The following DPF3 variants were observed in gnomAD, a reference collection of about 807,000 sequenced individuals.
The protein encoded by DPF3 is double PHD fingers 3, also known as zinc finger protein DPF3.
Under a neutral mutation model 56.8 loss-of-function variants are expected in DPF3, and 18 were observed. That is an observed-to-expected ratio of 0.32 (90% CI 0.22 to 0.47). The LOEUF is 0.47. DPF3 is among the 20% of genes least tolerant of loss of function. The probability of loss-of-function intolerance (pLI) is 1.00; values close to 1 mark genes in which losing one functional copy is unlikely to be tolerated. For missense variants in DPF3, 403 were observed against 488.8 expected (o/e 0.82, Z 1.65); for synonymous variants, 188 against 180.2 (o/e 1.04, Z -0.35).
Position 72,892,524 on chromosome 14 carries a change from G to A in DPF3, c.32+1533C>T, listed in dbSNP as rs1041149847. The A allele has an allele frequency of 5.0e-6, 7 of 1,390,294 alleles. No homozygotes were observed. The African/African-American group carries it at 8.8e-5, about 17-fold the overall frequency. 86.1% of individuals were successfully genotyped at this position (1,390,294 alleles called of 1,614,324 possible). A position where few individuals can be genotyped will look rare whatever the true frequency, so the allele number is the denominator to read the frequency against. On this transcript the variant is annotated intron_variant, in intron 1 of 10. Transcript: ENST00000556509. Reference sequence around the variant, plus strand: ...CCTACCCCTTTCCCTATTTCTGATGGGCGACGAGCTGGCGCAAACACGTCC... The same window carrying A: ...CCTACCCCTTTCCCTATTTCTGATGAGCGACGAGCTGGCGCAAACACGTCC...
At position 72,838,768 on chromosome 14, in the gene DPF3, AGGC is replaced by A. The variant is rs1884411545; in HGVS notation, c.32+55286_32+55288del. Among the ~76,000 whole-genome samples, 3 of 145,912 alleles carry A rather than the reference AGGC, an allele frequency of 2.1e-5. No homozygotes were observed. In the Admixed American group the frequency reaches 2.1e-4, roughly 10 times the overall value. On this transcript the variant is annotated intron_variant, in intron 1 of 10. Transcript: ENST00000556509. ...CGAGACTCCGTCTCAAAAAAAAAAAAGGCAATTACTGTTGGCATCAGCAGCACA... is the reference window on the plus strand; with the variant it reads ...CGAGACTCCGTCTCAAAAAAAAAAAAAATTACTGTTGGCATCAGCAGCACA...
intron 1 of DPF3, among the ~76,000 whole-genome samples, chr14:72,777,329 T>C (rs947028080): frequency 6.6e-6 from 1 of 152,250 alleles, no homozygotes; most frequent in African/African-American, 2.4e-5. Context: ...TTTAGTCTTT[T>C]AGAATAACTG....
chr14:72,757,530 G>A (rs1890888029), intron 2 of DPF3, among the ~76,000 whole-genome samples: 1 of 152,016 alleles, frequency 6.6e-6, no homozygotes, highest in African/African-American at 2.4e-5. Context: ...AACTAAAGAG[G>A]AATAAGAGTT....
chr14:72,714,719 C>T (rs1006800983), intron 5 of DPF3, among the ~76,000 whole-genome samples: 19 of 152,128 alleles, frequency 1.2e-4, no homozygotes, highest in Admixed American at 3.9e-4. Flanking sequence ...ATGTTCACAA[C>T]TCCAAGAGGT....
intron 8 of DPF3, chr14:72,670,582 C>T: frequency 1.0e-6 from 1 of 987,308 alleles, no homozygotes; most frequent in African/African-American, 1.7e-5. Context: ...AAATTCTCCC[C>T]ACCGGGCGGC....
intron 1 of DPF3, among the ~76,000 whole-genome samples, 163 bp downstream of exon 1, chr14:72,893,893 GA>G (rs1344866008): frequency 6.6e-6 from 1 of 152,174 alleles, no homozygotes; most frequent in East Asian, 1.9e-4. Flanking sequence ...CGCGTTGGGG[GA>G]AAAAAAGAAG....
chr14:72,677,191 AT>A (rs138982394), intron 7 of DPF3, among the ~76,000 whole-genome samples: 2,571 of 152,240 alleles, frequency 0.017, 79 homozygotes, highest in African/African-American at 0.059. Flanking sequence ...GTGGAGGTAC[AT>A]TTTTAGTCTG....
At chr14:72,633,996 C>T (rs1885305160) in intron 8 of DPF3, among the ~76,000 whole-genome samples, 1 of 152,146 alleles carries the variant, frequency 6.6e-6, no homozygotes, top group Admixed American at 6.5e-5. Flanking sequence ...TCTGTGTTCC[C>T]ATCTTGAGAA....
chr14:72,704,556 A>G (rs955392607), intron 6 of DPF3, among the ~76,000 whole-genome samples: 1 of 152,154 alleles, frequency 6.6e-6, no homozygotes, highest in Non-Finnish European at 1.5e-5. Flanking sequence ...TCTTCCACCT[A>G]CAATGTCAGT....
intron 8 of DPF3, among the ~76,000 whole-genome samples, chr14:72,656,507 A>G (rs1003041294): frequency 6.6e-6 from 1 of 152,194 alleles, no homozygotes; most frequent in Admixed American, 6.5e-5. Flanking sequence ...TCACCTCTCA[A>G]AAAAGTATTT....
rs1355714036 is a variant in DPF3 at position 72,612,487 on chromosome 14, A to G, written c.*6810T>C. 2.1e-5 allele frequency: 11 copies of G among 518,424 alleles called. 1 individual carries two copies. The highest frequency in any genetic ancestry group is 1.9e-4 in the Admixed American group (10 of 51,548). 32.1% of individuals were successfully genotyped at this position (518,424 alleles called of 1,614,324 possible). On this transcript the variant is annotated 3_prime_UTR_variant, in exon 11 of 11. Coordinates refer to ENST00000556509, the MANE Select transcript of DPF3 (RefSeq NM_001280542.3). Reference sequence around the variant, plus strand: ...CTTCAACTACATGTTGAAAATGTGCACGGGGTATATTTTCTTTTTCCTATA... The same window carrying G: ...CTTCAACTACATGTTGAAAATGTGCGCGGGGTATATTTTCTTTTTCCTATA...
At chr14:72,723,478 C>T (rs538263373) in intron 5 of DPF3, among the ~76,000 whole-genome samples, 155 bp downstream of exon 5, 1 of 152,178 alleles carries the variant, frequency 6.6e-6, no homozygotes, top group Non-Finnish European at 1.5e-5. Flanking sequence ...CAGGCTACGA[C>T]CTGGGATCAG....
Position 72,731,949 on chromosome 14 carries a change from TAG to T in DPF3, c.302-17_302-16del. On this transcript the variant is annotated splice_polypyrimidine_tract_variant and intron_variant, in intron 3 of 10. Coordinates refer to ENST00000556509, the MANE Select transcript of DPF3 (RefSeq NM_001280542.3). Reference sequence around the variant, plus strand: ...AAGCTCCACTTCTGAAAAACAAAGATAGAAAGGCAGGTCAGGCCACTAGAAGC... The same window carrying T: ...AAGCTCCACTTCTGAAAAACAAAGATAAAGGCAGGTCAGGCCACTAGAAGC... 1.3e-6 allele frequency: 2 copies of T among 1,567,704 alleles called. No homozygotes were observed. Among genetic ancestry groups the T allele is most frequent in the Non-Finnish European group, 1.7e-6 (2 of 1,156,392 alleles).
chr14:72,724,626 A>C lies in DPF3; in HGVS notation c.430-898T>G, dbSNP rs918726811. 5.3e-5 allele frequency among the ~76,000 whole-genome samples: 8 copies of C among 152,042 alleles called. No homozygotes were observed. In the South Asian group the frequency reaches 8.3e-4, roughly 16 times the overall value. ...GATAAAAGACTGTAGCAGAGGACCC[A>C]GCCCCACAATGGGAGTAGGAAAAGA... On this transcript the variant is annotated intron_variant, in intron 4 of 10. Transcript: ENST00000556509.
intron 9 of DPF3, among the ~76,000 whole-genome samples, chr14:72,625,913 C>T (rs1345099191): frequency 2.6e-5 from 4 of 152,074 alleles, no homozygotes; most frequent in Non-Finnish European, 5.9e-5. Context: ...ATCTAGCATA[C>T]GTAGTTTCAG....
intron 1 of DPF3, among the ~76,000 whole-genome samples, chr14:72,793,703 A>T (rs563268606): frequency 1.3e-5 from 2 of 152,326 alleles, no homozygotes; most frequent in South Asian, 4.1e-4. Flanking sequence ...ACATTGACAG[A>T]TCACCGTCCC....
At chr14:72,722,813 A>T (rs569843008) in intron 5 of DPF3, among the ~76,000 whole-genome samples, 1 of 152,296 alleles carries the variant, frequency 6.6e-6, no homozygotes, top group South Asian at 2.1e-4. Flanking sequence ...TTCAACCTGA[A>T]TGCCTGGAAG....
intron 9 of DPF3, among the ~76,000 whole-genome samples, chr14:72,622,763 C>T (rs746847681): frequency 2.0e-5 from 3 of 152,122 alleles, no homozygotes; most frequent in East Asian, 1.9e-4. Flanking sequence ...CCTATTACTA[C>T]AGTTCCAGCA....
chr14:72,823,670 G>A lies in DPF3; in HGVS notation c.33-51777C>T, dbSNP rs186597498. ...TTTCTTGGCTTCCTCCCACTCCCTGGAATGTAACTAAGCAGTTACCTTGAG... is the reference window on the plus strand; with the variant it reads ...TTTCTTGGCTTCCTCCCACTCCCTGAAATGTAACTAAGCAGTTACCTTGAG... On this transcript the variant is annotated intron_variant, in intron 1 of 10. Transcript: ENST00000556509. 3.2e-4 allele frequency among the ~76,000 whole-genome samples: 49 copies of A among 152,286 alleles called. 1 individual carries two copies. The East Asian group carries it at 8.3e-3, about 26-fold the overall frequency.
Sources: gnomAD v4.1 joint callset for allele counts (sites outside exome capture counted in the v4.1 genomes callset) on GRCh38, gnomAD v4.1.1 for gene constraint, MANE v1.5 for transcripts, NCBI Gene and HGNC (gene_info 2026-07-23, HGNC 2026-07-21) for gene names.